PAPOLA: variants seen among roughly 807,000 people sequenced by gnomAD.
The protein encoded by PAPOLA is poly(A) polymerase alpha, also known as polynucleotide adenylyltransferase alpha.
In PAPOLA, 15 loss-of-function variants were observed where a neutral mutation model predicts 100.6. That is an observed-to-expected ratio of 0.15 (90% CI 0.10 to 0.23). The LOEUF (loss-of-function observed/expected upper bound fraction) is 0.23, where lower values mean the gene tolerates loss of function less well. PAPOLA is among the 10% of genes least tolerant of loss of function. The pLI is 1.00. For missense variants in PAPOLA, 533 were observed against 884.2 expected (o/e 0.60, Z 5.04); for synonymous variants, 293 against 300.0 (o/e 0.98, Z 0.24).
intron 1 of PAPOLA, among the ~76,000 whole-genome samples, chr14:96,509,460 C>T (rs1001792056): frequency 2.6e-5 from 4 of 152,116 alleles, no homozygotes; most frequent in Admixed American, 1.3e-4. Flanking sequence ...ACAAAAGTAA[C>T]ATATAGTGTA....
chr14:96,521,173 T>C, intron 3 of PAPOLA, 101 bp downstream of exon 3: 5 of 689,560 alleles, frequency 7.3e-6, no homozygotes, highest in Non-Finnish European at 7.9e-6. Flanking sequence ...ATTTGGAGTC[T>C]TTAATGTGGA....
intron 13 of PAPOLA, 25 bp from the exon 14 acceptor site, chr14:96,542,749 T>C: frequency 6.3e-7 from 1 of 1,575,460 alleles, no homozygotes; most frequent in East Asian, 2.3e-5. Context: ...AAACTTTTTG[T>C]TAATACTAAG....
chr14:96,542,731 G>A (rs1900092629), intron 13 of PAPOLA, 43 bp from the exon 14 acceptor site: 2 of 1,561,438 alleles, frequency 1.3e-6, no homozygotes, highest in East Asian at 4.6e-5. Flanking sequence ...TTATTTTTAA[G>A]TTAACCAAAA....
chr14:96,554,971 G>T (rs1383090163), intron 17 of PAPOLA, among the ~76,000 whole-genome samples: 2 of 152,066 alleles, frequency 1.3e-5, no homozygotes, highest in African/African-American at 4.8e-5. Flanking sequence ...TTGGTTGGTT[G>T]TTAAGTAGGA....
chr14:96,536,766 C>T, intron 11 of PAPOLA: 1 of 402,898 alleles, frequency 2.5e-6, no homozygotes, highest in Non-Finnish European at 4.5e-6. Flanking sequence ...TGTACTTTAC[C>T]AGAAACCTGG....
At chr14:96,531,427 T>TTA (rs1432511112) in intron 6 of PAPOLA, 48 bp from the exon 7 acceptor site, 1 of 1,420,222 alleles carries the variant, frequency 7.0e-7, no homozygotes, top group African/African-American at 1.4e-5. Context: ...TAGAAATGCC[T>TTA]TAAAAGTAGT....
intron 20 of PAPOLA, among the ~76,000 whole-genome samples, chr14:96,561,311 T>G (rs1463575350): frequency 6.6e-6 from 1 of 152,166 alleles, no homozygotes; most frequent in African/African-American, 2.4e-5. Context: ...GGCTTTTAAC[T>G]TTCTTTCCTT....
At chr14:96,537,115 G>A in intron 12 of PAPOLA, 55 bp downstream of exon 12, 4 of 933,354 alleles carry the variant, frequency 4.3e-6, no homozygotes, top group Non-Finnish European at 5.3e-6. Context: ...TGGTTTAATG[G>A]TAGCACATTA....
At chr14:96,524,819 T>A (rs1459590468) in intron 3 of PAPOLA, among the ~76,000 whole-genome samples, 1 of 152,246 alleles carries the variant, frequency 6.6e-6, no homozygotes, top group Non-Finnish European at 1.5e-5. Flanking sequence ...TGTGTGTGGC[T>A]ACTATTGGCT....
chr14:96,558,899 G>C (rs1209333116), intron 19 of PAPOLA, among the ~76,000 whole-genome samples: 1 of 151,980 alleles, frequency 6.6e-6, no homozygotes, highest in African/African-American at 2.4e-5. Context: ...TAAAAAATAG[G>C]CTGTTTGTTT....
At chr14:96,508,356 T>C (rs1896877593) in intron 1 of PAPOLA, among the ~76,000 whole-genome samples, 1 of 152,214 alleles carries the variant, frequency 6.6e-6, no homozygotes, top group African/African-American at 2.4e-5. Flanking sequence ...ATTTGGAGTT[T>C]TTGTAGTGAA....
At chr14:96,522,040 G>A (rs1898012729) in intron 3 of PAPOLA, among the ~76,000 whole-genome samples, 1 of 148,504 alleles carries the variant, frequency 6.7e-6, no homozygotes, top group Non-Finnish European at 1.5e-5. Flanking sequence ...GACCTCAAGT[G>A]ATCCACCTTC....
intron 12 of PAPOLA, among the ~76,000 whole-genome samples, chr14:96,538,882 C>A (rs748186643): frequency 6.6e-6 from 1 of 152,028 alleles, no homozygotes; most frequent in Admixed American, 6.5e-5. Context: ...TGAGGCATAT[C>A]ATGAAATACT....
chr14:96,542,146 G>T, intron 12 of PAPOLA, 97 bp from the exon 13 acceptor site: 1 of 651,414 alleles, frequency 1.5e-6, no homozygotes, highest in East Asian at 2.8e-5. Context: ...AAATTGATGT[G>T]GATCTATAAC....
chr14:96,539,517 A>G (rs902423943), intron 12 of PAPOLA, among the ~76,000 whole-genome samples: 1 of 152,124 alleles, frequency 6.6e-6, no homozygotes, highest in Non-Finnish European at 1.5e-5. Flanking sequence ...CATAAATTCT[A>G]ATTATTTTGG....
At chr14:96,532,296 G>A in intron 7 of PAPOLA, 35 bp from the exon 8 acceptor site, 1 of 1,585,048 alleles carries the variant, frequency 6.3e-7, no homozygotes, top group Admixed American at 1.9e-5. Context: ...GTGTGTGTGT[G>A]TGTGTGTGTG....
intron 9 of PAPOLA, chr14:96,533,618 G>A (rs1181478524): frequency 7.2e-6 from 5 of 689,682 alleles, no homozygotes; most frequent in Non-Finnish European, 8.8e-6. Flanking sequence ...GCAGTGGCAC[G>A]ATCTTGGCTC....
At chr14:96,535,844 A>C in intron 10 of PAPOLA, 35 bp from the exon 11 acceptor site, 1 of 1,495,702 alleles carries the variant, frequency 6.7e-7, no homozygotes, top group Non-Finnish European at 8.9e-7. Context: ...TTGCATATGT[A>C]CTTGAAGAAA....
intron 16 of PAPOLA, among the ~76,000 whole-genome samples, chr14:96,550,141 C>T (rs979955351): frequency 1.3e-5 from 2 of 152,094 alleles, no homozygotes; most frequent in African/African-American, 4.8e-5. Flanking sequence ...AGAACGAGAC[C>T]CTGTCTCTTA....
Sources: allele counts gnomAD v4.1 joint callset (sites outside exome capture counted in the v4.1 genomes callset), GRCh38; gene constraint gnomAD v4.1.1; transcripts MANE v1.5; gene names NCBI Gene and HGNC (gene_info 2026-07-23, HGNC 2026-07-21).